PAGE2B: variants seen among roughly 807,000 people sequenced by gnomAD.
PAGE2B encodes the protein putative G antigen family E member 3.
PAGE2B carries 5 observed loss-of-function variants against 7.6 expected under a neutral mutation model. That is an observed-to-expected ratio of 0.66 (90% confidence interval 0.34 to 1.38). PAGE2B has a LOEUF of 1.38. PAGE2B is among the 40% of genes most tolerant of loss of function. The probability of loss-of-function intolerance (pLI) is 0.04; values close to 1 mark genes in which losing one functional copy is unlikely to be tolerated. For missense variants in PAGE2B, 70 were observed against 78.4 expected, an observed-to-expected ratio of 0.89 and a Z score of 0.41; for synonymous variants, 29 against 26.7, an observed-to-expected ratio of 1.09 and a Z score of -0.27.
the PAGE2B span, among the ~76,000 whole-genome samples, chrX:55,052,550 A>C: frequency 1.8e-5 from 2 of 112,172 alleles, no homozygotes; most frequent in Admixed American, 9.4e-5. Flanking sequence ...TTGCAGTTTG[A>C]TCTCAGATTG....
At chrX:55,050,860 G>A in the PAGE2B span, among the ~76,000 whole-genome samples, 8 of 111,610 alleles carry the variant, frequency 7.2e-5, no homozygotes, top group African/African-American at 2.6e-4. Flanking sequence ...TATGATGTTA[G>A]CTGGTTATTT....
At chrX:55,045,746 T>C in the PAGE2B span, among the ~76,000 whole-genome samples, 3 of 111,514 alleles carry the variant, frequency 2.7e-5, no homozygotes, top group Non-Finnish European at 5.7e-5. Context: ...CTAAGCAGTG[T>C]CACCTCCAGA....
At chrX:55,039,293 T>G in the PAGE2B span, among the ~76,000 whole-genome samples, 1 of 111,277 alleles carries the variant, frequency 9.0e-6, no homozygotes, top group Non-Finnish European at 1.9e-5. Context: ...TATAATCAGC[T>G]TTCACAGTAG....
At chrX:55,041,407 G>A in the PAGE2B span, among the ~76,000 whole-genome samples, 8,213 of 110,974 alleles carry the variant, frequency 0.074, 699 homozygotes, top group African/African-American at 0.25. Flanking sequence ...AAATACAAAG[G>A]CTAAAAATAC....
the PAGE2B span, among the ~76,000 whole-genome samples, chrX:55,032,224 G>A: frequency 9.0e-6 from 1 of 111,531 alleles, no homozygotes; most frequent in Non-Finnish European, 1.9e-5. Context: ...TCCTATACAT[G>A]TGTTATACAC....
chrX:55,031,647 A>G, the PAGE2B span, among the ~76,000 whole-genome samples: 1 of 111,998 alleles, frequency 8.9e-6, no homozygotes, highest in African/African-American at 3.2e-5. Flanking sequence ...TTACCCAACT[A>G]GAAAGTACAG....
At chrX:55,059,898 G>A in the PAGE2B span, among the ~76,000 whole-genome samples, 5 of 110,956 alleles carry the variant, frequency 4.5e-5, no homozygotes, top group South Asian at 3.8e-4. Context: ...GGTTTACTTC[G>A]CTTAGCATAA....
chrX:55,046,506 A>AATAT, the PAGE2B span, among the ~76,000 whole-genome samples: 2 of 112,033 alleles, frequency 1.8e-5, 1 homozygote, highest in South Asian at 7.4e-4. Flanking sequence ...GGATTATATA[A>AATAT]GGGAAAAAAG....
chrX:55,053,565 C>A, the PAGE2B span, among the ~76,000 whole-genome samples: 3 of 111,673 alleles, frequency 2.7e-5, no homozygotes, highest in African/African-American at 9.8e-5. Context: ...AGCACATATA[C>A]AGAGAGGTGC....
upstream of PAGE2B, among the ~76,000 whole-genome samples, chrX:55,074,890 C>G (rs1936486535): frequency 8.9e-6 from 1 of 112,564 alleles, no homozygotes; most frequent in South Asian, 3.7e-4. Flanking sequence ...AGGTTCTCCA[C>G]AGACGCAGGA....
the PAGE2B span, among the ~76,000 whole-genome samples, chrX:55,063,766 G>C: frequency 3.6e-5 from 4 of 111,055 alleles, no homozygotes; most frequent in African/African-American, 1.3e-4. Flanking sequence ...TATCATGAAG[G>C]GATGTTGAAT....
chrX:55,036,004 G>A, the PAGE2B span, among the ~76,000 whole-genome samples: 60 of 111,708 alleles, frequency 5.4e-4, no homozygotes, highest in Non-Finnish European at 1.0e-3. Flanking sequence ...TCTCCTTGAA[G>A]AAGTCCTTCA....
chrX:55,038,451 C>G, the PAGE2B span, among the ~76,000 whole-genome samples: 1 of 111,960 alleles, frequency 8.9e-6, no homozygotes, highest in African/African-American at 3.2e-5. Context: ...AAATGATAGG[C>G]TCAACACTGT....
the PAGE2B span, among the ~76,000 whole-genome samples, chrX:55,061,354 A>C: frequency 2.7e-5 from 3 of 111,047 alleles, no homozygotes; most frequent in Non-Finnish European, 5.7e-5. Flanking sequence ...GGTAATCAGC[A>C]TAGTACCTGA....
At chrX:55,051,382 T>C in the PAGE2B span, among the ~76,000 whole-genome samples, 1 of 111,989 alleles carries the variant, frequency 8.9e-6, no homozygotes, top group Non-Finnish European at 1.9e-5. Context: ...GAAGTTCTCC[T>C]GGATAATATC....
At chrX:55,032,508 G>T in the PAGE2B span, among the ~76,000 whole-genome samples, 1 of 110,700 alleles carries the variant, frequency 9.0e-6, no homozygotes, top group African/African-American at 3.3e-5. Context: ...TGGACTAAAA[G>T]CATGCACTCT....
At chrX:55,051,374 A>G in the PAGE2B span, among the ~76,000 whole-genome samples, 1 of 111,636 alleles carries the variant, frequency 9.0e-6, no homozygotes, top group Non-Finnish European at 1.9e-5. Context: ...AGATTGGGGA[A>G]GTTCTCCTGG....
the PAGE2B span, among the ~76,000 whole-genome samples, chrX:55,038,428 T>G: frequency 2.7e-5 from 3 of 112,206 alleles, no homozygotes; most frequent in Non-Finnish European, 5.6e-5. Context: ...GTTCGTTATA[T>G]TTACTCTCAA....
the PAGE2B span, among the ~76,000 whole-genome samples, chrX:55,040,805 G>A: frequency 1.8e-5 from 2 of 111,408 alleles, no homozygotes; most frequent in African/African-American, 3.3e-5. Flanking sequence ...TAAATTTTAT[G>A]TTAAGTATAT....
Sources: gnomAD v4.1 joint callset for allele counts (sites outside exome capture counted in the v4.1 genomes callset) on GRCh38, gnomAD v4.1.1 for gene constraint, MANE v1.5 for transcripts, NCBI Gene and HGNC (gene_info 2026-07-23, HGNC 2026-07-21) for gene names.